DNAJC15: variants seen among roughly 807,000 people sequenced by gnomAD.
DNAJC15 encodes the protein dnaJ homolog subfamily C member 15.
In DNAJC15, 27 loss-of-function variants were observed where a neutral mutation model predicts 22.4. The ratio of observed to expected loss-of-function variants is 1.20; its 90% CI spans 0.89 to 1.66. The LOEUF is 1.66. DNAJC15 is among the 40% of genes most tolerant of loss of function. The pLI is 0.00. For synonymous variants in DNAJC15, 79 were observed against 63.2 expected, an observed-to-expected ratio of 1.25 and a Z score of -1.19; for missense variants, 208 against 187.1, an observed-to-expected ratio of 1.11 and a Z score of -0.65.
At chr13:43,060,846 C>T (rs186668351) in intron 1 of DNAJC15, among the ~76,000 whole-genome samples, 16 of 152,232 alleles carry the variant, frequency 1.1e-4, no homozygotes, top group Admixed American at 4.6e-4. Context: ...GAAATGACTG[C>T]GGTGGTCTTC....
chr13:43,113,452 A>G lies in DNAJC15; in HGVS notation c.*6204A>G, dbSNP rs1205131786. Reference sequence around the variant, plus strand: ...TATAGTTGTCTGGTGGAGTCAATGGAACTTTAGTTACCAGTCTAAGAATGT... The same window carrying G: ...TATAGTTGTCTGGTGGAGTCAATGGGACTTTAGTTACCAGTCTAAGAATGT... On this transcript the variant is annotated 3_prime_UTR_variant, in exon 6 of 6. Coordinates refer to ENST00000379221, the MANE Select transcript of DNAJC15 (RefSeq NM_013238.3). 1.3e-5 allele frequency: 2 copies of G among 150,810 alleles called. No homozygotes were observed. Among genetic ancestry groups the G allele is most frequent in the Non-Finnish European group, 2.9e-5 (2 of 68,022 alleles). The allele number at this position is 150,810 out of a possible 1,614,324, so 9.3% of individuals were successfully genotyped here. A position where few individuals can be genotyped will look rare whatever the true frequency, so the allele number is the denominator to read the frequency against.
chr13:43,049,697 G>A (rs569541062), intron 1 of DNAJC15, among the ~76,000 whole-genome samples: 1 of 152,224 alleles, frequency 6.6e-6, no homozygotes, highest in Non-Finnish European at 1.5e-5. Context: ...TTATACTTCT[G>A]TTTTCTACAT....
chr13:43,107,524 T>TACACACACAC lies in DNAJC15; in HGVS notation c.*299_*308dup, dbSNP rs57085120. 6,560 of 161,604 alleles carry TACACACACAC rather than the reference T, an allele frequency of 0.041. 177 individuals carry two copies. Among genetic ancestry groups the TACACACACAC allele is most frequent in the Non-Finnish European group, 0.06 (4,524 of 75,288 alleles). 10.0% of individuals were successfully genotyped at this position (161,604 alleles called of 1,614,324 possible). A position where few individuals can be genotyped will look rare whatever the true frequency, so the allele number is the denominator to read the frequency against. Reference sequence around the variant, plus strand: ...TTTTGTTATGTTCTGAATTCCCCCCTACACACACACACACACACACACACA... The same window carrying TACACACACAC: ...TTTTGTTATGTTCTGAATTCCCCCCTACACACACACACACACACACACACACACACACACA... On this transcript the variant is annotated 3_prime_UTR_variant, in exon 6 of 6. Transcript: ENST00000379221.
chr13:43,085,639 T>C, intron 4 of DNAJC15, 129 bp from the exon 5 acceptor site: 1 of 642,626 alleles, frequency 1.6e-6, no homozygotes, highest in East Asian at 2.9e-5. Context: ...TGGAAAGCTG[T>C]AGTTTCATAT....
intron 4 of DNAJC15, among the ~76,000 whole-genome samples, chr13:43,079,173 CT>C (rs148920693): frequency 3.9e-4 from 59 of 152,142 alleles, no homozygotes; most frequent in African/African-American, 1.3e-3. Context: ...TATATAATTG[CT>C]GTGTGATATC....
At chr13:43,094,237 T>C (rs553476899) in intron 5 of DNAJC15, among the ~76,000 whole-genome samples, 2 of 140,550 alleles carry the variant, frequency 1.4e-5, no homozygotes, top group Admixed American at 6.7e-5. Flanking sequence ...ATTGGTCAAA[T>C]ACTGCTTCAC....
intron 2 of DNAJC15, 23 bp downstream of exon 2, chr13:43,065,760 A>T: frequency 6.2e-7 from 1 of 1,608,642 alleles, no homozygotes; most frequent in Non-Finnish European, 8.5e-7. Context: ...ATACATACCA[A>T]TAAATTGCAG....
chr13:43,023,594 C>T lies in DNAJC15; in HGVS notation c.-33C>T, dbSNP rs776488580. 9.5e-6 allele frequency: 15 copies of T among 1,581,204 alleles called. No individual in the cohort carries two copies. The highest frequency in any genetic ancestry group is 1.3e-5 in the Non-Finnish European group (15 of 1,159,346). ...CCCTACGGCCGCCTCGTAGTCACTG[C>T]CGCGGCGCCTTGAGTCTCCGGGCCG... is the stretch of plus-strand genomic sequence containing the variant. On this transcript the variant is annotated 5_prime_UTR_variant, in exon 1 of 6. Coordinates refer to ENST00000379221, the MANE Select transcript of DNAJC15 (RefSeq NM_013238.3).
chr13:43,075,284 A>G (rs142733066), intron 3 of DNAJC15, among the ~76,000 whole-genome samples: 17 of 152,278 alleles, frequency 1.1e-4, no homozygotes, highest in Non-Finnish European at 2.1e-4. Context: ...CTGAAACTCT[A>G]TGTCTACCTG....
Position 43,110,236 on chromosome 13 carries a change from A to G in DNAJC15, c.*2988A>G, listed in dbSNP as rs925889615. Reference sequence around the variant, plus strand: ...ATAGGCTTCTCAACAGGGCTACTAGAGCATCGTCACCATAGCAGCTGTCTT... The same window carrying G: ...ATAGGCTTCTCAACAGGGCTACTAGGGCATCGTCACCATAGCAGCTGTCTT... On this transcript the variant is annotated 3_prime_UTR_variant, in exon 6 of 6. Coordinates refer to ENST00000379221, the MANE Select transcript of DNAJC15 (RefSeq NM_013238.3). 1.3e-5 allele frequency: 2 copies of G among 152,170 alleles called. No individual in the cohort carries two copies. The highest frequency in any genetic ancestry group is 1.3e-4 in the Admixed American group (2 of 15,278). The allele number at this position is 152,170 out of a possible 1,614,324, so 9.4% of individuals were successfully genotyped here. A position where few individuals can be genotyped will look rare whatever the true frequency, so the allele number is the denominator to read the frequency against.
chr13:43,046,712 T>G (rs1308676933), intron 1 of DNAJC15, among the ~76,000 whole-genome samples: 1 of 152,118 alleles, frequency 6.6e-6, no homozygotes, highest in Non-Finnish European at 1.5e-5. Flanking sequence ...TTCATTCTAT[T>G]AAATCTTGCA....
At position 43,112,505 on chromosome 13, in the gene DNAJC15, CAT is replaced by C. The variant is rs1312117629; in HGVS notation, c.*5259_*5260del. The C allele has an allele frequency of 1.3e-5, 2 of 152,154 alleles. No individual in the cohort carries two copies. Among genetic ancestry groups the C allele is most frequent in the African/African-American group, 2.4e-5 (1 of 41,424 alleles). 9.4% of individuals were successfully genotyped at this position (152,154 alleles called of 1,614,324 possible). ...TTCAATTATGACAGGATAAAAATCA[CAT>C]AGAGATATTGGTTCAATATGGACAT... is the stretch of plus-strand genomic sequence containing the variant. On this transcript the variant is annotated 3_prime_UTR_variant, in exon 6 of 6. Coordinates refer to ENST00000379221, the MANE Select transcript of DNAJC15 (RefSeq NM_013238.3).
intron 1 of DNAJC15, among the ~76,000 whole-genome samples, chr13:43,028,985 AT>A (rs1278554673): frequency 6.6e-6 from 1 of 152,250 alleles, no homozygotes; most frequent in East Asian, 1.9e-4. Flanking sequence ...TGTGATTGGC[AT>A]TGTAATTGGC....
intron 2 of DNAJC15, among the ~76,000 whole-genome samples, chr13:43,066,201 T>C (rs1176005150): frequency 6.6e-6 from 1 of 152,188 alleles, no homozygotes; most frequent in Non-Finnish European, 1.5e-5. Flanking sequence ...TGATAAACCC[T>C]GGGGAATTTT....
intron 1 of DNAJC15, among the ~76,000 whole-genome samples, chr13:43,028,910 ATTAT>A (rs2040392500): frequency 6.6e-6 from 1 of 152,198 alleles, no homozygotes; most frequent in African/African-American, 2.4e-5. Context: ...ATACATCAAA[ATTAT>A]TTATATTTGT....
At position 43,111,205 on chromosome 13, in the gene DNAJC15, TTTAC is replaced by T. The variant is rs2040823207; in HGVS notation, c.*3960_*3963del. The T allele has an allele frequency of 6.6e-6, 1 of 152,222 alleles. No homozygotes were observed. Among genetic ancestry groups the T allele is most frequent in the Non-Finnish European group, 1.5e-5 (1 of 68,034 alleles). 9.4% of individuals were successfully genotyped at this position (152,222 alleles called of 1,614,324 possible). A position where few individuals can be genotyped will look rare whatever the true frequency, so the allele number is the denominator to read the frequency against. On this transcript the variant is annotated 3_prime_UTR_variant, in exon 6 of 6. Coordinates refer to ENST00000379221, the MANE Select transcript of DNAJC15 (RefSeq NM_013238.3). ...ATACATTGTTTAGTCTTCAAAGCAC[TTTAC>T]TTTTTATGAAATATATTTTAGACAT...
intron 5 of DNAJC15, among the ~76,000 whole-genome samples, chr13:43,096,204 G>A (rs1044593150): frequency 7.9e-5 from 12 of 152,126 alleles, no homozygotes; most frequent in African/African-American, 2.9e-4. Flanking sequence ...TGTTTCACAT[G>A]GAAAAGAGCC....
chr13:43,023,669 C>T lies in DNAJC15; in HGVS notation c.43C>T (p.Arg15Cys), dbSNP rs759741311. Reference sequence around the variant, plus strand: ...CATCGCTCCAGTTGGCGAGAGTTTGCGCTACGCTGAGTACTTGCAGCCCTC... The same window carrying T: ...CATCGCTCCAGTTGGCGAGAGTTTGTGCTACGCTGAGTACTTGCAGCCCTC... ...GVIAPVGESL[R>C]YAEYLQPSAK... Residue 15 changes from arginine to cysteine, a missense_variant, in exon 1 of 6, where the codon CGC becomes TGC. By Grantham distance (180) the Arg-to-Cys change is radical (BLOSUM62 -3). Coordinates refer to ENST00000379221, the MANE Select transcript of DNAJC15 (RefSeq NM_013238.3). The T allele has an allele frequency of 3.1e-6, 5 of 1,612,488 alleles. No individual in the cohort carries two copies. The highest frequency in any genetic ancestry group is 4.2e-6 in the Non-Finnish European group (5 of 1,179,464).
intron 1 of DNAJC15, among the ~76,000 whole-genome samples, chr13:43,065,343 T>C (rs2040578514): frequency 1.3e-5 from 2 of 152,312 alleles, no homozygotes; most frequent in East Asian, 1.9e-4. Flanking sequence ...GGAGGAAATA[T>C]GTGCTTTTTA....
Sources: allele counts gnomAD v4.1 joint callset (sites outside exome capture counted in the v4.1 genomes callset), GRCh38; gene constraint gnomAD v4.1.1; transcripts MANE v1.5; gene names NCBI Gene and HGNC (gene_info 2026-07-23, HGNC 2026-07-21).